The following PRKCE variants were observed in gnomAD, a reference collection of about 807,000 sequenced individuals.
The protein encoded by PRKCE is protein kinase C epsilon, also known as protein kinase C epsilon type.
Under a neutral mutation model 85.4 loss-of-function variants are expected in PRKCE, and 16 were observed. The ratio of observed to expected loss-of-function variants is 0.19; its 90% confidence interval spans 0.13 to 0.28. The LOEUF is 0.28. Among genes scored for constraint, PRKCE ranks in the 10% least tolerant of loss-of-function variants. The pLI, the probability that PRKCE is intolerant of heterozygous loss-of-function variation, is 1.00. For missense variants in PRKCE, 573 were observed against 975.2 expected (o/e 0.59, Z 5.49); for synonymous variants, 388 against 371.5 (o/e 1.04, Z -0.51).
chr2:45,861,564 G>T (rs1304710335), intron 2 of PRKCE, among the ~76,000 whole-genome samples: 1 of 152,020 alleles, frequency 6.6e-6, no homozygotes, highest in Non-Finnish European at 1.5e-5. Context: ...GAGGCTTCAG[G>T]TCCCCAAGAC....
chr2:45,741,142 G>A (rs902603842), intron 1 of PRKCE, among the ~76,000 whole-genome samples: 3 of 152,202 alleles, frequency 2.0e-5, no homozygotes, highest in Non-Finnish European at 2.9e-5. Flanking sequence ...TCCCAAATGT[G>A]ATTGCTTCTA....
At chr2:45,991,163 C>A (rs920162701) in intron 6 of PRKCE, among the ~76,000 whole-genome samples, 1 of 151,930 alleles carries the variant, frequency 6.6e-6, no homozygotes. Flanking sequence ...CCTGCCACCA[C>A]GCCCGGCAAA....
intron 1 of PRKCE, among the ~76,000 whole-genome samples, chr2:45,743,354 C>T (rs554075827): frequency 6.6e-5 from 10 of 152,230 alleles, no homozygotes; most frequent in Non-Finnish European, 1.5e-4. Flanking sequence ...ATCAAAACAT[C>T]GCGGTGTACA....
chr2:46,027,742 G>A (rs572157761), intron 10 of PRKCE, among the ~76,000 whole-genome samples: 1 of 152,110 alleles, frequency 6.6e-6, no homozygotes, highest in Non-Finnish European at 1.5e-5. Flanking sequence ...TGTTCTTTTG[G>A]CAGTATGATC....
At chr2:46,046,148 T>A (rs78631698) in intron 10 of PRKCE, among the ~76,000 whole-genome samples, 8,609 of 152,258 alleles carry the variant, frequency 0.057, 789 homozygotes, top group African/African-American at 0.19. Context: ...ATGGCTGGGA[T>A]TCATTTCTGG....
chr2:45,771,716 T>TGTGTGTGTGA (rs1281340939), intron 1 of PRKCE, among the ~76,000 whole-genome samples: 1 of 86,894 alleles, frequency 1.2e-5, no homozygotes, highest in Non-Finnish European at 3.0e-5. Context: ...TGTGTGTGTG[T>TGTGTGTGTGA]GTGTGTGTGT....
At chr2:45,920,468 G>A (rs890617372) in intron 2 of PRKCE, among the ~76,000 whole-genome samples, 2 of 152,198 alleles carry the variant, frequency 1.3e-5, no homozygotes, top group Non-Finnish European at 2.9e-5. Context: ...ATTCATAGCA[G>A]TGTTATTCAT....
chr2:46,140,194 A>G (rs1675378079), intron 11 of PRKCE, among the ~76,000 whole-genome samples: 2 of 152,212 alleles, frequency 1.3e-5, no homozygotes, highest in South Asian at 4.1e-4. Context: ...TTTTAACTAG[A>G]CAAATGATTC....
At chr2:45,771,680 G>A (rs1685341089) in intron 1 of PRKCE, among the ~76,000 whole-genome samples, 1 of 151,106 alleles carries the variant, frequency 6.6e-6, no homozygotes, top group Non-Finnish European at 1.5e-5. Context: ...CAGGGGACGT[G>A]GAGTGACTCT....
intron 10 of PRKCE, among the ~76,000 whole-genome samples, chr2:46,047,610 A>G (rs1708605204): frequency 6.6e-6 from 1 of 152,244 alleles, no homozygotes; most frequent in African/African-American, 2.4e-5. Context: ...GAATGTTTGA[A>G]AAGCTGCATT....
intron 10 of PRKCE, among the ~76,000 whole-genome samples, chr2:46,055,847 G>A (rs975314584): frequency 7.9e-5 from 12 of 152,148 alleles, no homozygotes; most frequent in African/African-American, 2.9e-4. Flanking sequence ...AGTTTTGTTA[G>A]AGATGGGGTT....
At chr2:45,659,718 C>T (rs971490738) in intron 1 of PRKCE, among the ~76,000 whole-genome samples, 4 of 152,104 alleles carry the variant, frequency 2.6e-5, no homozygotes, top group African/African-American at 9.7e-5. Context: ...TGCCCTTTTC[C>T]CAGATATCCA....
At chr2:46,108,262 T>C (rs896568217) in intron 11 of PRKCE, among the ~76,000 whole-genome samples, 1 of 152,224 alleles carries the variant, frequency 6.6e-6, no homozygotes, top group African/African-American at 2.4e-5. Context: ...AAATCCTTTA[T>C]CAGATAAGTG....
chr2:45,854,377 G>A (rs1692514782), intron 2 of PRKCE, among the ~76,000 whole-genome samples: 1 of 152,204 alleles, frequency 6.6e-6, no homozygotes, highest in Admixed American at 6.5e-5. Flanking sequence ...GGGAGGCATG[G>A]ATTAAGTCTA....
intron 11 of PRKCE, among the ~76,000 whole-genome samples, chr2:46,144,762 C>A (rs934622616): frequency 6.6e-6 from 1 of 152,224 alleles, no homozygotes; most frequent in Admixed American, 6.5e-5. Flanking sequence ...ATGCTTCTTT[C>A]TTTCATAGCA....
rs1675156386 is a variant in PRKCE at position 45,652,193 on chromosome 2, C to G, written c.93C>G (p.Pro31=). ...GGTCGCTGCGCCATGCGGTGGGACC[C>G]CGGCCGCAGACTTTCCTTCTCGACC... The part of the protein sequence containing the change: ...TAWSLRHAVG[P]RPQTFLLDPY... The change falls in exon 1 of 15, where the codon CCC becomes CCG. Residue 31 remains proline, a synonymous_variant. Transcript: ENST00000306156. This position sits in a 1 kb window ranked among gnomAD's most constrained non-coding sequence, Gnocchi z 7.7. 1 of 1,613,468 alleles carries G rather than the reference C, an allele frequency of 6.2e-7. No homozygotes were observed. Among genetic ancestry groups the G allele is most frequent in the South Asian group, 1.1e-5 (1 of 91,070 alleles).
intron 14 of PRKCE, among the ~76,000 whole-genome samples, chr2:46,179,562 A>G (rs1036452010): frequency 2.0e-5 from 3 of 152,182 alleles, no homozygotes; most frequent in African/African-American, 7.2e-5. Context: ...ATGATGCCAG[A>G]GGGAATCGGA....
intron 1 of PRKCE, among the ~76,000 whole-genome samples, chr2:45,761,278 G>C (rs1473003811): frequency 1.6e-5 from 2 of 121,432 alleles, no homozygotes; most frequent in African/African-American, 3.2e-5. Context: ...AGTAAGCCGA[G>C]ATCACACCAC....
rs1704962547 is a variant in PRKCE, at chr2:46,004,170, A to G, written c.967-372A>G. Reference sequence around the variant, plus strand: ...GTATTTCTTCCTGTAAACCTGGACTACTTTTCCAGCTTGCTAACCTTTATG... The same window carrying G: ...GTATTTCTTCCTGTAAACCTGGACTGCTTTTCCAGCTTGCTAACCTTTATG... On this transcript the variant is annotated intron_variant, in intron 7 of 14. Coordinates refer to ENST00000306156, the MANE Select transcript of PRKCE (RefSeq NM_005400.3). This position sits in a 1 kb window ranked among gnomAD's most constrained non-coding sequence, Gnocchi z 4.1. 2 of 296,998 alleles carry G rather than the reference A, an allele frequency of 6.7e-6. No individual in the cohort carries two copies. The highest frequency in any genetic ancestry group is 1.3e-5 in the Non-Finnish European group (2 of 151,184). 18.4% of individuals were successfully genotyped at this position (296,998 alleles called of 1,614,324 possible).
Sources: allele counts gnomAD v4.1 joint callset (sites outside exome capture counted in the v4.1 genomes callset), GRCh38; gene constraint gnomAD v4.1.1; non-coding constraint Gnocchi (gnomAD v3.1); transcripts MANE v1.5; gene names NCBI Gene and HGNC (gene_info 2026-07-23, HGNC 2026-07-21).